Variants in RBFOX1 observed in about 807,000 individuals in gnomAD.
The protein encoded by RBFOX1 is RNA binding protein fox-1 homolog 1.
A neutral mutation model predicts 57.7 loss-of-function variants in RBFOX1; 8 were observed. The observed-to-expected ratio is 0.14, with a 90% CI of 0.08 to 0.25. The LOEUF (loss-of-function observed/expected upper bound fraction) is 0.25. RBFOX1 is among the 10% of genes least tolerant of loss of function. The pLI is 1.00. For synonymous variants in RBFOX1, 326 were observed against 222.4 expected, an observed-to-expected ratio of 1.47 and a Z score of -4.15; for missense variants, 611 against 548.5, an observed-to-expected ratio of 1.11 and a Z score of -1.14.
chr16:6,876,219 A>T (rs1229804386), intron 3 of RBFOX1, among the ~76,000 whole-genome samples: 1 of 152,046 alleles, frequency 6.6e-6, no homozygotes, highest in Non-Finnish European at 1.5e-5. Context: ...AAAAAGCATC[A>T]GCAACACAAT....
At chr16:7,107,629 C>T (rs560880254) in intron 4 of RBFOX1, among the ~76,000 whole-genome samples, 19 of 152,216 alleles carry the variant, frequency 1.2e-4, no homozygotes, top group African/African-American at 4.1e-4. Context: ...CTTCTTTCCG[C>T]TCCTCCCCTT....
At chr16:6,929,522 C>T (rs2076167238) in intron 3 of RBFOX1, among the ~76,000 whole-genome samples, 1 of 152,062 alleles carries the variant, frequency 6.6e-6, no homozygotes, top group African/African-American at 2.4e-5. Flanking sequence ...ACAATATTTT[C>T]AGAAGGCTTA....
At chr16:5,833,313 G>A (rs1033125700) in intron 3 of RBFOX1, among the ~76,000 whole-genome samples, 9 of 151,960 alleles carry the variant, frequency 5.9e-5, no homozygotes, top group South Asian at 2.1e-4. Context: ...CTAACACGGT[G>A]AAACCCCATC....
intron 2 of RBFOX1, among the ~76,000 whole-genome samples, chr16:6,554,140 C>T (rs1345559999): frequency 2.0e-5 from 3 of 152,106 alleles, no homozygotes; most frequent in Non-Finnish European, 4.4e-5. Context: ...TAGAAATTGG[C>T]AAAATGGGGC....
At chr16:6,136,422 C>A (rs2096668010) in intron 1 of RBFOX1, among the ~76,000 whole-genome samples, 1 of 152,172 alleles carries the variant, frequency 6.6e-6, no homozygotes, top group Middle Eastern at 3.4e-3. Context: ...TTGAGACATA[C>A]TGAGGCAATT....
At chr16:7,389,834 A>G (rs931536141) in intron 4 of RBFOX1, among the ~76,000 whole-genome samples, 2 of 152,114 alleles carry the variant, frequency 1.3e-5, no homozygotes, top group Non-Finnish European at 2.9e-5. Flanking sequence ...TACAATCTTT[A>G]TGGCACCCTG....
chr16:6,904,055 C>T (rs1324779364), intron 3 of RBFOX1, among the ~76,000 whole-genome samples: 3 of 152,274 alleles, frequency 2.0e-5, no homozygotes, highest in Non-Finnish European at 4.4e-5. Flanking sequence ...AGATAAGCTA[C>T]CCCCATGGGG....
At chr16:6,284,958 A>G (rs181469770) in intron 1 of RBFOX1, among the ~76,000 whole-genome samples, 311 of 152,294 alleles carry the variant, frequency 2.0e-3, no homozygotes, top group Middle Eastern at 6.8e-3. Flanking sequence ...TGCCTGACAC[A>G]GAAAACCCCA....
intron 4 of RBFOX1, among the ~76,000 whole-genome samples, chr16:7,062,334 A>AG (rs1555836726): frequency 7.0e-5 from 10 of 143,724 alleles, no homozygotes; most frequent in Admixed American, 4.2e-4. Context: ...AAAAAAAAAA[A>AG]AAAAGAAAAG....
chr16:7,569,354 C>T (rs561638203), intron 5 of RBFOX1, among the ~76,000 whole-genome samples: 7 of 152,280 alleles, frequency 4.6e-5, no homozygotes, highest in African/African-American at 1.7e-4. Flanking sequence ...CCATGCCTTT[C>T]CTGGCCCCTG....
chr16:7,343,089 G>C (rs961601637), intron 4 of RBFOX1, among the ~76,000 whole-genome samples: 9 of 152,092 alleles, frequency 5.9e-5, no homozygotes, highest in African/African-American at 1.7e-4. Flanking sequence ...ATAGCCTTCT[G>C]GGGACAGACT....
intron 2 of RBFOX1, among the ~76,000 whole-genome samples, chr16:6,396,310 C>CA (rs1314459559): frequency 6.6e-6 from 1 of 152,070 alleles, no homozygotes; most frequent in Non-Finnish European, 1.5e-5. Flanking sequence ...TATTCACCCC[C>CA]AAAGTACACA....
chr16:7,543,206 G>A (rs1326680630), intron 5 of RBFOX1, among the ~76,000 whole-genome samples: 1 of 152,150 alleles, frequency 6.6e-6, no homozygotes, highest in Non-Finnish European at 1.5e-5. Context: ...TTAGGGAATG[G>A]CCAATGGGAA....
chr16:6,742,807 T>C (rs1259168096), intron 3 of RBFOX1, among the ~76,000 whole-genome samples: 1 of 152,156 alleles, frequency 6.6e-6, no homozygotes, highest in South Asian at 2.1e-4. Context: ...GATTTGGACA[T>C]AGTTGCCAGT....
chr16:5,676,859 C>T (rs1434172512), intron 3 of RBFOX1, among the ~76,000 whole-genome samples: 1 of 148,736 alleles, frequency 6.7e-6, no homozygotes, highest in African/African-American at 2.4e-5. Flanking sequence ...AAGACTCCAC[C>T]TCAAAAAAAA....
intron 3 of RBFOX1, among the ~76,000 whole-genome samples, chr16:7,042,920 T>A (rs1267934708): frequency 6.6e-6 from 1 of 152,188 alleles, no homozygotes; most frequent in Non-Finnish European, 1.5e-5. Flanking sequence ...AGGAAGACTT[T>A]GTTTCAAAAA....
At chr16:6,135,858 G>A (rs2096663249) in intron 1 of RBFOX1, among the ~76,000 whole-genome samples, 1 of 136,712 alleles carries the variant, frequency 7.3e-6, no homozygotes, top group Non-Finnish European at 1.5e-5. Flanking sequence ...GCAGTGGCAC[G>A]ATCTCAGCTC....
intron 1 of RBFOX1, among the ~76,000 whole-genome samples, chr16:6,231,346 T>TA (rs2097458748): frequency 1.3e-5 from 2 of 152,164 alleles, no homozygotes; most frequent in Middle Eastern, 3.4e-3. Context: ...TTTCCGTGTT[T>TA]AAATTCAGTG....
intron 4 of RBFOX1, among the ~76,000 whole-genome samples, chr16:7,276,423 G>A (rs1366361975): frequency 6.6e-6 from 1 of 152,170 alleles, no homozygotes; most frequent in East Asian, 1.9e-4. Context: ...CCATTAGAAT[G>A]ACAAAAGACT....
Sources: gnomAD v4.1 joint callset for allele counts (sites outside exome capture counted in the v4.1 genomes callset) on GRCh38, gnomAD v4.1.1 for gene constraint, MANE v1.5 for transcripts, NCBI Gene and HGNC (gene_info 2026-07-23, HGNC 2026-07-21) for gene names.